Variants in GRAMD1B observed in about 807,000 individuals in gnomAD.
The protein encoded by GRAMD1B is GRAM domain containing 1B.
Under a neutral mutation model 99.7 loss-of-function variants are expected in GRAMD1B, and 37 were observed. The observed-to-expected ratio is 0.37, with a 90% CI of 0.29 to 0.49. The LOEUF is 0.49. Ranked by LOEUF, GRAMD1B falls within the 20% of genes least tolerant of loss-of-function variation. The pLI is 0.98. For synonymous variants in GRAMD1B, 427 were observed against 387.6 expected, an observed-to-expected ratio of 1.10 and a Z score of -1.19; for missense variants, 888 against 1,009.2, an observed-to-expected ratio of 0.88 and a Z score of 1.63.
At chr11:123,555,614 G>C (rs936148782) in intron 2 of GRAMD1B, among the ~76,000 whole-genome samples, 1 of 152,140 alleles carries the variant, frequency 6.6e-6, no homozygotes, top group Non-Finnish European at 1.5e-5. Flanking sequence ...CTTCCAAAGT[G>C]CTGGGATTAC....
At chr11:123,490,677 G>T (rs902504750) in intron 2 of GRAMD1B, among the ~76,000 whole-genome samples, 1 of 152,218 alleles carries the variant, frequency 6.6e-6, no homozygotes, top group African/African-American at 2.4e-5. Flanking sequence ...GTACATATGG[G>T]TGTGAGAGAA....
intron 2 of GRAMD1B, among the ~76,000 whole-genome samples, chr11:123,513,915 C>T (rs1363891281): frequency 2.0e-5 from 3 of 152,088 alleles, no homozygotes; most frequent in Admixed American, 2.0e-4. Flanking sequence ...CTTGGCCTCC[C>T]ACAGTGCTGG....
chr11:123,447,927 T>C (rs1352396013), intron 1 of GRAMD1B, among the ~76,000 whole-genome samples: 1 of 152,192 alleles, frequency 6.6e-6, no homozygotes, highest in Middle Eastern at 3.2e-3. Context: ...ACAATAGTTA[T>C]CTTAACCTAG....
At chr11:123,461,486 A>G in intron 1 of GRAMD1B, among the ~76,000 whole-genome samples, 1 of 152,206 alleles carries the variant, frequency 6.6e-6, no homozygotes, top group Non-Finnish European at 1.5e-5. Context: ...AAGTCTCTCC[A>G]GCCCTGGCTC....
chr11:123,505,481 C>A (rs1034031273), intron 2 of GRAMD1B, among the ~76,000 whole-genome samples: 2 of 151,674 alleles, frequency 1.3e-5, no homozygotes, highest in Non-Finnish European at 2.9e-5. Flanking sequence ...TGGTAAACCA[C>A]TGAATGAAAA....
At chr11:123,613,817 T>G (rs1390776998) in intron 16 of GRAMD1B, among the ~76,000 whole-genome samples, 159 bp downstream of exon 16, 1 of 152,234 alleles carries the variant, frequency 6.6e-6, no homozygotes, top group Non-Finnish European at 1.5e-5. Context: ...AATGCTCTGT[T>G]TCTCTTTGCT....
At chr11:123,403,512 CT>C (rs915633075) in intron 1 of GRAMD1B, among the ~76,000 whole-genome samples, 7 of 149,450 alleles carry the variant, frequency 4.7e-5, no homozygotes, top group African/African-American at 7.4e-5. Flanking sequence ...TGTTGTTAGG[CT>C]TTTTTTGTTT....
intron 2 of GRAMD1B, among the ~76,000 whole-genome samples, chr11:123,536,551 G>T (rs758828416): frequency 6.6e-6 from 1 of 152,118 alleles, no homozygotes; most frequent in Non-Finnish European, 1.5e-5. Flanking sequence ...GGCCTGGCAC[G>T]TTATAAAAGT....
chr11:123,441,864 C>A (rs570279554), intron 1 of GRAMD1B, among the ~76,000 whole-genome samples: 31 of 152,266 alleles, frequency 2.0e-4, no homozygotes, highest in African/African-American at 7.5e-4. Context: ...ATATCAAGGG[C>A]ATGTTTGGTG....
chr11:123,380,526 G>A (rs1946835870), intron 1 of GRAMD1B, among the ~76,000 whole-genome samples: 1 of 152,162 alleles, frequency 6.6e-6, no homozygotes, highest in Non-Finnish European at 1.5e-5. Flanking sequence ...CTTTTATTAG[G>A]ACTTTATTAT....
chr11:123,383,016 G>A (rs1305191590), intron 1 of GRAMD1B, among the ~76,000 whole-genome samples: 4 of 152,166 alleles, frequency 2.6e-5, no homozygotes, highest in Non-Finnish European at 2.9e-5. Context: ...CAGCCTCCTG[G>A]GTCACAGAGC....
intron 9 of GRAMD1B, among the ~76,000 whole-genome samples, chr11:123,605,115 G>C (rs976817370): frequency 1.3e-5 from 2 of 150,582 alleles, no homozygotes; most frequent in Admixed American, 1.3e-4. Flanking sequence ...TACATGGGGG[G>C]CAGGGAGGGG....
intron 2 of GRAMD1B, among the ~76,000 whole-genome samples, chr11:123,528,747 TA>T (rs1355336059): frequency 6.6e-6 from 1 of 152,232 alleles, no homozygotes; most frequent in African/African-American, 2.4e-5. Flanking sequence ...GTTAGACTTT[TA>T]AAAGTGTGTA....
intron 1 of GRAMD1B, among the ~76,000 whole-genome samples, chr11:123,442,218 T>G (rs191157914): frequency 6.6e-6 from 1 of 152,366 alleles, no homozygotes; most frequent in East Asian, 1.9e-4. Flanking sequence ...CCACTTCAGA[T>G]GCCAATCACA....
chr11:123,565,711 C>T (rs1947289902), intron 2 of GRAMD1B, among the ~76,000 whole-genome samples: 1 of 152,116 alleles, frequency 6.6e-6, no homozygotes, highest in Admixed American at 6.5e-5. Context: ...CAGAGGGAGC[C>T]CTGCACCCAG....
intron 2 of GRAMD1B, among the ~76,000 whole-genome samples, chr11:123,574,189 A>G (rs1446950390): frequency 4.6e-5 from 7 of 151,988 alleles, no homozygotes; most frequent in Admixed American, 4.6e-4. Flanking sequence ...CAGGAGAAAG[A>G]GCATGTATAT....
chr11:123,519,916 G>A (rs1942036915), intron 2 of GRAMD1B, among the ~76,000 whole-genome samples: 1 of 152,240 alleles, frequency 6.6e-6, no homozygotes, highest in South Asian at 2.1e-4. Flanking sequence ...CCTGAGATAG[G>A]AGCCGATATT....
At position 123,481,625 on chromosome 11, in the gene GRAMD1B, A is replaced by C. The variant is rs544551392; in HGVS notation, c.452+732A>C. Among the ~76,000 whole-genome samples the C allele has an allele frequency of 1.6e-4, 25 of 152,318 alleles. No individual in the cohort carries two copies. The South Asian group carries it at 5.0e-3, about 30-fold the overall frequency. On this transcript the variant is annotated intron_variant, in intron 2 of 19. Coordinates refer to ENST00000635736, the MANE Select transcript of GRAMD1B (RefSeq NM_001387025.1). ...GTGTCAGGTGGCAGCAGCGTTAATG[A>C]AAAATGAGGTGGGATGTCTAGGATG...
At chr11:123,441,043 C>T (rs1009880819) in intron 1 of GRAMD1B, among the ~76,000 whole-genome samples, 2 of 152,262 alleles carry the variant, frequency 1.3e-5, no homozygotes, top group East Asian at 1.9e-4. Context: ...TGAGGCCTCC[C>T]CAGCCACGTG....
Sources: allele counts gnomAD v4.1 joint callset (sites outside exome capture counted in the v4.1 genomes callset), GRCh38; gene constraint gnomAD v4.1.1; transcripts MANE v1.5; gene names NCBI Gene and HGNC (gene_info 2026-07-23, HGNC 2026-07-21).